The following DNAJC15 variants were observed in gnomAD, a reference collection of about 807,000 sequenced individuals.
DNAJC15 encodes the protein DnaJ heat shock protein family (Hsp40) member C15, also known as dnaJ homolog subfamily C member 15.
DNAJC15 carries 27 observed loss-of-function variants against 22.4 expected under a neutral mutation model. The ratio of observed to expected loss-of-function variants is 1.20; its 90% confidence interval spans 0.89 to 1.66. The LOEUF is 1.66. Ranked by LOEUF, DNAJC15 falls within the 40% of genes most tolerant of loss-of-function variation. The pLI, the probability that DNAJC15 is intolerant of heterozygous loss-of-function variation, is 0.00. For missense variants in DNAJC15, 208 were observed against 187.1 expected, an observed-to-expected ratio of 1.11 and a Z score of -0.65; for synonymous variants, 79 against 63.2, an observed-to-expected ratio of 1.25 and a Z score of -1.19.
chr13:43,039,254 A>G (rs1248258602), intron 1 of DNAJC15, among the ~76,000 whole-genome samples: 1 of 151,616 alleles, frequency 6.6e-6, no homozygotes, highest in African/African-American at 2.4e-5. Flanking sequence ...GTTCTCTGTC[A>G]TTTTTTTCAA....
intron 1 of DNAJC15, among the ~76,000 whole-genome samples, chr13:43,048,245 C>G (rs1475051620): frequency 6.6e-6 from 1 of 150,478 alleles, no homozygotes; most frequent in Non-Finnish European, 1.5e-5. Flanking sequence ...TTTGGGAGGC[C>G]AAGGCAGGTG....
At chr13:43,039,579 C>G (rs540285312) in intron 1 of DNAJC15, among the ~76,000 whole-genome samples, 94 of 152,262 alleles carry the variant, frequency 6.2e-4, no homozygotes, top group African/African-American at 2.1e-3. Flanking sequence ...GAACTTAATT[C>G]AGGACTTTAG....
intron 2 of DNAJC15, among the ~76,000 whole-genome samples, chr13:43,068,079 G>A (rs2040592016): frequency 6.6e-6 from 1 of 152,124 alleles, no homozygotes; most frequent in African/African-American, 2.4e-5. Flanking sequence ...AATTTTTGCA[G>A]TAGAACTCTT....
intron 3 of DNAJC15, among the ~76,000 whole-genome samples, chr13:43,069,264 GTAACTTACTT>G (rs1375397205): frequency 3.3e-5 from 5 of 152,040 alleles, no homozygotes; most frequent in Non-Finnish European, 5.9e-5. Flanking sequence ...CAAATTTGAT[GTAACTTACTT>G]TACCCGTTTA....
intron 1 of DNAJC15, among the ~76,000 whole-genome samples, chr13:43,032,817 T>A (rs980775409): frequency 2.6e-5 from 4 of 151,218 alleles, no homozygotes; most frequent in African/African-American, 9.8e-5. Context: ...AGAGCAAGAC[T>A]CTGTCTCAAC....
chr13:43,030,255 A>T (rs1300634709), intron 1 of DNAJC15, among the ~76,000 whole-genome samples: 1 of 152,232 alleles, frequency 6.6e-6, no homozygotes, highest in African/African-American at 2.4e-5. Flanking sequence ...CACCAAATAT[A>T]TGGAAGCTAT....
chr13:43,097,107 G>A (rs1001905935), intron 5 of DNAJC15, among the ~76,000 whole-genome samples: 8 of 152,198 alleles, frequency 5.3e-5, no homozygotes, highest in African/African-American at 1.9e-4. Context: ...TGATGTCATG[G>A]ATCATAAGTG....
intron 4 of DNAJC15, chr13:43,078,900 T>G (rs2040648610): frequency 2.7e-6 from 1 of 364,648 alleles, no homozygotes; most frequent in African/African-American, 2.1e-5. Context: ...ACAGGCAAAG[T>G]TGTGAAGTAC....
intron 1 of DNAJC15, among the ~76,000 whole-genome samples, chr13:43,060,031 G>A (rs763200988): frequency 2.0e-5 from 3 of 152,160 alleles, no homozygotes; most frequent in Non-Finnish European, 4.4e-5. Flanking sequence ...CAGTTGCTTC[G>A]GGCTATCTGG....
intron 1 of DNAJC15, among the ~76,000 whole-genome samples, chr13:43,035,583 A>G (rs1159659710): frequency 6.6e-6 from 1 of 152,254 alleles, no homozygotes; most frequent in East Asian, 1.9e-4. Context: ...GCCTAGCTGC[A>G]GTGATGTTAA....
intron 1 of DNAJC15, among the ~76,000 whole-genome samples, chr13:43,059,490 G>A (rs566741841): frequency 6.1e-4 from 93 of 152,142 alleles, no homozygotes; most frequent in African/African-American, 2.2e-3. Context: ...TCAACCTCCC[G>A]AGTAGCTGGG....
At chr13:43,089,797 C>T (rs185013088) in intron 5 of DNAJC15, among the ~76,000 whole-genome samples, 7 of 152,010 alleles carry the variant, frequency 4.6e-5, no homozygotes, top group Admixed American at 2.0e-4. Flanking sequence ...TTTCTTTCAT[C>T]GTCAATCTCT....
intron 4 of DNAJC15, among the ~76,000 whole-genome samples, chr13:43,080,060 T>G (rs760313615): frequency 8.5e-5 from 13 of 152,168 alleles, no homozygotes; most frequent in Non-Finnish European, 1.6e-4. Context: ...TGAATTTCTT[T>G]TTTTGGAAGT....
chr13:43,071,014 A>G (rs938029448), intron 3 of DNAJC15, among the ~76,000 whole-genome samples: 4 of 152,216 alleles, frequency 2.6e-5, no homozygotes, highest in African/African-American at 7.2e-5. Context: ...ATATATTTCC[A>G]TATGTTTATA....
chr13:43,086,233 A>G (rs911943097), intron 5 of DNAJC15, among the ~76,000 whole-genome samples: 1 of 152,216 alleles, frequency 6.6e-6, no homozygotes, highest in Non-Finnish European at 1.5e-5. Context: ...TGTGAATGTA[A>G]TATGTCATAG....
intron 1 of DNAJC15, among the ~76,000 whole-genome samples, chr13:43,033,315 G>C (rs1481793867): frequency 6.6e-6 from 1 of 152,258 alleles, no homozygotes; most frequent in East Asian, 1.9e-4. Flanking sequence ...TTCTTGTGAG[G>C]CTGAGGTGGT....
rs79826346 is a variant in DNAJC15 at position 43,055,996 on chromosome 13, C to T, written c.109-9690C>T. ...TTTTTCATCTTGATTTCATTGTTGA[C>T]CCAAAGATCATTCAGGAGCAGGTTA... is the stretch of plus-strand genomic sequence containing the variant. On this transcript the variant is annotated intron_variant, in intron 1 of 5. Coordinates refer to ENST00000379221, the MANE Select transcript of DNAJC15 (RefSeq NM_013238.3). Among the ~76,000 whole-genome samples, 16 of 152,104 alleles carry T rather than the reference C, an allele frequency of 1.1e-4. No homozygotes were observed. The East Asian group carries it at 2.9e-3, about 28-fold the overall frequency.
At chr13:43,035,119 A>G (rs1345142112) in intron 1 of DNAJC15, among the ~76,000 whole-genome samples, 1 of 152,128 alleles carries the variant, frequency 6.6e-6, no homozygotes, top group African/African-American at 2.4e-5. Flanking sequence ...TCCATCAAGG[A>G]CAGTAGAATT....
intron 1 of DNAJC15, among the ~76,000 whole-genome samples, chr13:43,028,077 G>A (rs2040388659): frequency 6.6e-6 from 1 of 152,178 alleles, no homozygotes; most frequent in Non-Finnish European, 1.5e-5. Flanking sequence ...GGTGCCTGAT[G>A]TGTGGTAAAC....
Sources: gnomAD v4.1 joint callset for allele counts (sites outside exome capture counted in the v4.1 genomes callset) on GRCh38, gnomAD v4.1.1 for gene constraint, MANE v1.5 for transcripts, NCBI Gene and HGNC (gene_info 2026-07-23, HGNC 2026-07-21) for gene names.